Variants in DLC1 observed in about 807,000 individuals in gnomAD.
DLC1 encodes the protein rho GTPase-activating protein 7.
A neutral mutation model predicts 140.3 loss-of-function variants in DLC1; 54 were observed. The ratio of observed to expected loss-of-function variants is 0.38; its 90% CI spans 0.31 to 0.48. The LOEUF is 0.48. DLC1 is among the 20% of genes least tolerant of loss of function. DLC1 has a pLI of 0.96. For missense variants in DLC1, 2,536 were observed against 1,907.0 expected (o/e 1.33, Z -6.14); for synonymous variants, 986 against 728.1 (o/e 1.35, Z -5.70).
intron 3 of DLC1, among the ~76,000 whole-genome samples, chr8:13,400,870 A>G (rs1837262635): frequency 6.6e-6 from 1 of 152,170 alleles, no homozygotes; most frequent in Non-Finnish European, 1.5e-5. Context: ...TGTCTTCCAA[A>G]TTTTGAGTGT....
At chr8:13,583,105 G>C (rs1805174316) in intron 1 of DLC1, among the ~76,000 whole-genome samples, 1 of 151,916 alleles carries the variant, frequency 6.6e-6, no homozygotes, top group African/African-American at 2.4e-5. Flanking sequence ...AGGTGTCTGT[G>C]ACAGTTTTTT....
intron 1 of DLC1, among the ~76,000 whole-genome samples, chr8:13,545,648 G>C (rs1268351921): frequency 6.6e-6 from 1 of 152,050 alleles, no homozygotes; most frequent in Admixed American, 6.6e-5. Flanking sequence ...CATTTAGCCA[G>C]ATGATGATAC....
At chr8:13,203,475 C>T (rs764481812) in intron 5 of DLC1, among the ~76,000 whole-genome samples, 1 of 151,950 alleles carries the variant, frequency 6.6e-6, no homozygotes, top group Non-Finnish European at 1.5e-5. Flanking sequence ...GGAAAGTTAC[C>T]AAAAATGAAA....
At chr8:13,490,865 C>G (rs75286874) in intron 2 of DLC1, among the ~76,000 whole-genome samples, 1,689 of 151,816 alleles carry the variant, frequency 0.011, 31 homozygotes, top group African/African-American at 0.039. Context: ...GATTTTGGTT[C>G]AAATCACTGA....
intron 5 of DLC1, among the ~76,000 whole-genome samples, chr8:13,178,670 A>G (rs1489622975): frequency 3.3e-5 from 5 of 150,490 alleles, no homozygotes; most frequent in Admixed American, 1.3e-4. Context: ...TTTGCAAAAC[A>G]TATAATCAAC....
rs545220768 is a variant in DLC1 at position 13,415,091 on chromosome 8, C to T, written c.1024-13472G>A. Among the ~76,000 whole-genome samples the T allele has an allele frequency of 4.3e-4, 66 of 152,120 alleles. 1 individual carries two copies. The South Asian group carries it at 5.4e-3, about 12-fold the overall frequency. The stretch of plus-strand genomic sequence containing the variant: ...CCTCCTAAAATGCTGGGATTATGGG[C>T]GTGAGCCACTGCGCCTGGCCCACGA... On this transcript the variant is annotated intron_variant, in intron 2 of 17. Transcript: ENST00000276297.
intron 5 of DLC1, among the ~76,000 whole-genome samples, chr8:13,303,596 G>T (rs1424536955): frequency 6.6e-6 from 1 of 152,130 alleles, no homozygotes; most frequent in Non-Finnish European, 1.5e-5. Context: ...GAGCTCAGGA[G>T]TTTGAGACTA....
chr8:13,153,226 T>G (rs879843195), intron 5 of DLC1, among the ~76,000 whole-genome samples: 2 of 152,190 alleles, frequency 1.3e-5, no homozygotes, highest in Non-Finnish European at 2.9e-5. Context: ...GGTGGGTTCG[T>G]GGTCTCGCAG....
At position 13,090,445 on chromosome 8, in the gene DLC1, C is replaced by A; in HGVS notation, c.3881G>T (p.Arg1294Leu). The A allele has an allele frequency of 1.2e-6, 2 of 1,614,082 alleles. No homozygotes were observed. The highest frequency in any genetic ancestry group is 1.7e-6 in the Non-Finnish European group (2 of 1,180,036). ...CAGCTCTTGTTCGGTATAGGAATTA[C>A]GACATCGGCTCATTTCCTCGGGAAC... ...FQVPEEMSRC[R>L]NSYTEQELKP... is the part of the protein sequence containing the mutation. The change falls in exon 15 of 18, where the codon CGT becomes CTT. Residue 1294 changes from arginine to leucine, a missense_variant. Arg to Leu is a moderately radical substitution (Grantham distance 102). Coordinates refer to ENST00000276297, the MANE Select transcript of DLC1 (RefSeq NM_182643.3).
rs142716830 is a variant in DLC1, at chr8:13,147,563, A to G, written c.1349-31906T>C. On this transcript the variant is annotated intron_variant, in intron 5 of 17. Coordinates refer to ENST00000276297, the MANE Select transcript of DLC1 (RefSeq NM_182643.3). ...GCACTCTTATCTGGAATTTAAGTGT[A>G]TAATGAAGCAGTTCTACTCCAACCA... Among the ~76,000 whole-genome samples, 4 of 152,342 alleles carry G rather than the reference A, an allele frequency of 2.6e-5. No homozygotes were observed. The East Asian group carries it at 5.8e-4, about 22-fold the overall frequency.
intron 5 of DLC1, among the ~76,000 whole-genome samples, chr8:13,263,315 A>T (rs1830541024): frequency 6.6e-6 from 1 of 152,058 alleles, no homozygotes; most frequent in Non-Finnish European, 1.5e-5. Flanking sequence ...TAATTCTCAG[A>T]TGGTCGCTCT....
At chr8:13,552,083 A>C (rs149978389) in intron 1 of DLC1, among the ~76,000 whole-genome samples, 8,535 of 125,948 alleles carry the variant, frequency 0.068, 395 homozygotes, top group South Asian at 0.15. Flanking sequence ...CTTTCTCTCT[A>C]TATATATGTA....
chr8:13,353,396 C>G (rs1172078753), intron 4 of DLC1: 1 of 152,144 alleles, frequency 6.6e-6, no homozygotes, highest in African/African-American at 2.4e-5. Context: ...CAACAACAGG[C>G]CAGGCGTTCT....
intron 2 of DLC1, among the ~76,000 whole-genome samples, chr8:13,489,177 C>T (rs1801116100): frequency 6.6e-6 from 1 of 152,030 alleles, no homozygotes; most frequent in Non-Finnish European, 1.5e-5. Flanking sequence ...GAACTCCTGA[C>T]ATCAGGTGAT....
chr8:13,293,102 T>C (rs1038848982), intron 5 of DLC1, among the ~76,000 whole-genome samples: 2 of 152,160 alleles, frequency 1.3e-5, no homozygotes, highest in Non-Finnish European at 2.9e-5. Context: ...TGGTGGTGCA[T>C]GCGTGTAGTC....
intron 4 of DLC1, among the ~76,000 whole-genome samples, chr8:13,391,918 A>C: frequency 6.6e-6 from 1 of 151,814 alleles, no homozygotes; most frequent in Non-Finnish European, 1.5e-5. Flanking sequence ...AGAAAAAGCC[A>C]ATGCATCAAT....
In DLC1 at chr8:13,275,097, C is replaced by T. The variant is rs1036169890; in HGVS notation, c.1348+30172G>A. Among the ~76,000 whole-genome samples, 6 of 152,278 alleles carry T rather than the reference C, an allele frequency of 3.9e-5. 1 individual carries two copies. The South Asian group carries it at 8.3e-4, about 21-fold the overall frequency. On this transcript the variant is annotated intron_variant, in intron 5 of 17. Coordinates refer to ENST00000276297, the MANE Select transcript of DLC1 (RefSeq NM_182643.3). ...TTGCTCCCTTCCCTACCTAATGGTT[C>T]GACTTGACATTGTTTACTTTCTCCG...
At chr8:13,481,112 A>G (rs1445752835) in intron 2 of DLC1, among the ~76,000 whole-genome samples, 1 of 152,196 alleles carries the variant, frequency 6.6e-6, no homozygotes, top group African/African-American at 2.4e-5. Flanking sequence ...AAATTTAACT[A>G]AAATATTAAA....
At chr8:13,494,383 C>G (rs1384004887) in intron 2 of DLC1, among the ~76,000 whole-genome samples, 1 of 152,148 alleles carries the variant, frequency 6.6e-6, no homozygotes, top group Non-Finnish European at 1.5e-5. Context: ...CAACTAAATT[C>G]TAGCCCATGA....
Sources: gnomAD v4.1 joint callset for allele counts (sites outside exome capture counted in the v4.1 genomes callset) on GRCh38, gnomAD v4.1.1 for gene constraint, MANE v1.5 for transcripts, NCBI Gene and HGNC (gene_info 2026-07-23, HGNC 2026-07-21) for gene names.